KLF7: variants seen among roughly 807,000 people sequenced by gnomAD.
KLF7 encodes Krueppel-like factor 7.
A neutral mutation model predicts 27.3 loss-of-function variants in KLF7; 2 were observed. The ratio of observed to expected loss-of-function variants is 0.07; its 90% CI spans 0.03 to 0.23. The LOEUF (loss-of-function observed/expected upper bound fraction) is 0.23. Among genes scored for constraint, KLF7 ranks in the 10% least tolerant of loss-of-function variants. The probability of loss-of-function intolerance (pLI) is 1.00; values close to 1 mark genes in which losing one functional copy is unlikely to be tolerated. For missense variants in KLF7, 221 were observed against 394.1 expected (o/e 0.56, Z 3.72); for synonymous variants, 165 against 162.4 (o/e 1.02, Z -0.12).
chr2:207,144,740 T>G (rs1169355312), intron 1 of KLF7, among the ~76,000 whole-genome samples: 1 of 152,240 alleles, frequency 6.6e-6, no homozygotes, highest in Non-Finnish European at 1.5e-5. Flanking sequence ...AACTAAGTTT[T>G]CAAACACATC....
chr2:207,147,921 A>G (rs1375215597), intron 1 of KLF7, among the ~76,000 whole-genome samples: 3 of 152,196 alleles, frequency 2.0e-5, no homozygotes, highest in Non-Finnish European at 2.9e-5. Flanking sequence ...AGACAAAACC[A>G]TGTTTTCCAA....
At chr2:207,155,631 A>G (rs1269875536) in intron 1 of KLF7, among the ~76,000 whole-genome samples, 1 of 152,220 alleles carries the variant, frequency 6.6e-6, no homozygotes, top group Non-Finnish European at 1.5e-5. Flanking sequence ...AAGAACCTTG[A>G]GAAGGGGAGG....
intron 1 of KLF7, among the ~76,000 whole-genome samples, chr2:207,144,166 G>GGGAAAA (rs2078030317): frequency 2.0e-5 from 1 of 50,392 alleles, no homozygotes; most frequent in Non-Finnish European, 4.7e-5. Flanking sequence ...CAGCGGGGGG[G>GGGAAAA]AGAAAAAAAA....
intron 2 of KLF7, among the ~76,000 whole-genome samples, chr2:207,114,011 T>C (rs1241529587): frequency 1.3e-5 from 2 of 152,200 alleles, no homozygotes; most frequent in African/African-American, 4.8e-5. Flanking sequence ...CAAATTGCCC[T>C]CTGCCTAAAT....
intron 1 of KLF7, among the ~76,000 whole-genome samples, chr2:207,147,826 G>A (rs1162500257): frequency 3.3e-5 from 5 of 152,158 alleles, no homozygotes; most frequent in Non-Finnish European, 7.3e-5. Flanking sequence ...CCCTCGCCTC[G>A]GTGGCTTCGA....
In KLF7 at chr2:207,074,320, G is replaced by C. The variant is rs1169134779; in HGVS notation, c.*6893C>G. The C allele has an allele frequency of 6.7e-6, 1 of 149,084 alleles. No homozygotes were observed. The highest frequency in any genetic ancestry group is 1.5e-5 in the Non-Finnish European group (1 of 68,032). 9.2% of individuals were successfully genotyped at this position (149,084 alleles called of 1,614,324 possible). On this transcript the variant is annotated 3_prime_UTR_variant, in exon 4 of 4. Coordinates refer to ENST00000309446, the MANE Select transcript of KLF7 (RefSeq NM_003709.4). ...CCTGTGAATGACACCACTTCTCTCGGGGAATCGCTGAGCTCGGGATGCTGA... is the reference window on the plus strand; with the variant it reads ...CCTGTGAATGACACCACTTCTCTCGCGGAATCGCTGAGCTCGGGATGCTGA...
At chr2:207,170,632 A>G (rs960299042), upstream of KLF7, among the ~76,000 whole-genome samples, 2 of 152,152 alleles carry the variant, frequency 1.3e-5, no homozygotes, top group Admixed American at 6.6e-5. Flanking sequence ...GGCAATGCTC[A>G]TTTACCATTT....
chr2:207,075,379 AT>A lies in KLF7; in HGVS notation c.*5833del, dbSNP rs928297985. The A allele has an allele frequency of 5.3e-5, 8 of 150,464 alleles. No homozygotes were observed. Among genetic ancestry groups the A allele is most frequent in the Admixed American group, 3.3e-4 (5 of 15,116 alleles). 9.3% of individuals were successfully genotyped at this position (150,464 alleles called of 1,614,324 possible). On this transcript the variant is annotated 3_prime_UTR_variant, in exon 4 of 4. Transcript: ENST00000309446. ...TATATATATAAAAAGCTTAAAAAAA[AT>A]AAAATGTCAAAAAAAGGCATAACCG...
intron 1 of KLF7, among the ~76,000 whole-genome samples, chr2:207,144,112 G>A (rs2078026234): frequency 6.6e-6 from 1 of 150,630 alleles, no homozygotes; most frequent in African/African-American, 2.5e-5. Flanking sequence ...ACGCAATGTA[G>A]AGAGGCTCCC....
At chr2:207,121,185 C>T (rs1364789591) in intron 2 of KLF7, among the ~76,000 whole-genome samples, 2 of 152,202 alleles carry the variant, frequency 1.3e-5, no homozygotes, top group African/African-American at 4.8e-5. Context: ...GGTTTATCCT[C>T]CACAACTTGT....
chr2:207,100,651 T>C (rs934933314), intron 2 of KLF7, among the ~76,000 whole-genome samples: 14 of 152,218 alleles, frequency 9.2e-5, no homozygotes, highest in Non-Finnish European at 1.9e-4. Flanking sequence ...CTGCTCAGAA[T>C]GTGCCTATTC....
intron 1 of KLF7, among the ~76,000 whole-genome samples, chr2:207,128,586 G>A (rs2077541785): frequency 6.6e-6 from 1 of 152,132 alleles, no homozygotes; most frequent in Admixed American, 6.5e-5. Context: ...ACTCTACAGT[G>A]GAGAAACCTG....
intron 1 of KLF7, among the ~76,000 whole-genome samples, chr2:207,136,313 C>G (rs557398068): frequency 3.3e-5 from 5 of 152,296 alleles, no homozygotes; most frequent in East Asian, 3.9e-4. Context: ...TGACCTTACT[C>G]TTTTCTACTC....
At chr2:207,119,896 G>A (rs1215234724) in intron 2 of KLF7, among the ~76,000 whole-genome samples, 1 of 152,134 alleles carries the variant, frequency 6.6e-6, no homozygotes, top group Non-Finnish European at 1.5e-5. Context: ...AGAGACGGGT[G>A]TTGGTCAGGC....
chr2:207,136,487 T>A (rs2077793594), intron 1 of KLF7, among the ~76,000 whole-genome samples: 1 of 152,178 alleles, frequency 6.6e-6, no homozygotes, highest in Non-Finnish European at 1.5e-5. Context: ...CATTGTCACC[T>A]ACTCAGAGAA....
intron 2 of KLF7, among the ~76,000 whole-genome samples, chr2:207,091,671 G>T (rs2076517092): frequency 6.6e-6 from 1 of 152,172 alleles, no homozygotes; most frequent in Non-Finnish European, 1.5e-5. Context: ...TATATATAAA[G>T]AATTGGGAAT....
chr2:207,130,183 T>C (rs891367534), intron 1 of KLF7, among the ~76,000 whole-genome samples: 1 of 152,206 alleles, frequency 6.6e-6, no homozygotes, highest in Non-Finnish European at 1.5e-5. Flanking sequence ...CCCATGCCCA[T>C]ATGCTCGAAA....
intron 2 of KLF7, among the ~76,000 whole-genome samples, chr2:207,107,826 G>A (rs1039534889): frequency 1.4e-4 from 22 of 152,182 alleles, no homozygotes; most frequent in African/African-American, 5.1e-4. Flanking sequence ...GTGTCAAAAC[G>A]GACCCTTGAC....
intron 2 of KLF7, among the ~76,000 whole-genome samples, chr2:207,122,465 G>C (rs2077364734): frequency 6.6e-6 from 1 of 152,092 alleles, no homozygotes. Flanking sequence ...CGAACTTCAG[G>C]AAAGTTCTTC....
Sources: gnomAD v4.1 joint callset for allele counts (sites outside exome capture counted in the v4.1 genomes callset) on GRCh38, gnomAD v4.1.1 for gene constraint, MANE v1.5 for transcripts, NCBI Gene and HGNC (gene_info 2026-07-23, HGNC 2026-07-21) for gene names.